The following PTPRT variants were observed in gnomAD, a reference collection of about 807,000 sequenced individuals.
The protein encoded by PTPRT is protein tyrosine phosphatase receptor type T, also known as receptor-type tyrosine-protein phosphatase T.
In PTPRT, 56 loss-of-function variants were observed where a neutral mutation model predicts 176.8. The observed-to-expected ratio is 0.32, with a 90% confidence interval of 0.26 to 0.40. PTPRT has a LOEUF of 0.40. Among genes scored for constraint, PTPRT ranks in the 10% least tolerant of loss-of-function variants. The pLI, the probability that PTPRT is intolerant of heterozygous loss-of-function variation, is 1.00. For missense variants in PTPRT, 1,540 were observed against 1,908.2 expected (o/e 0.81, Z 3.60); for synonymous variants, 783 against 739.0 (o/e 1.06, Z -0.96).
At chr20:42,475,053 T>C (rs1490680282) in intron 7 of PTPRT, among the ~76,000 whole-genome samples, 1 of 152,214 alleles carries the variant, frequency 6.6e-6, no homozygotes, top group Non-Finnish European at 1.5e-5. Flanking sequence ...TATCTCATGT[T>C]AAATATAATT....
At position 42,756,126 on chromosome 20, in the gene PTPRT, G is replaced by A. The variant is rs996565144; in HGVS notation, c.859+336C>T. Among the ~76,000 whole-genome samples the A allele has an allele frequency of 1.5e-4, 23 of 152,214 alleles. 1 individual carries two copies. The Middle Eastern group carries it at 0.01, about 68-fold the overall frequency. On this transcript the variant is annotated intron_variant, in intron 6 of 30. Coordinates refer to ENST00000373187, the MANE Select transcript of PTPRT (RefSeq NM_007050.6). ...ACAATAGTACGAGAACACTGCCACA[G>A]CATGCCACCCAAATACAAGGACATT...
At chr20:43,157,357 G>A (rs907303564) in intron 1 of PTPRT, among the ~76,000 whole-genome samples, 7 of 152,106 alleles carry the variant, frequency 4.6e-5, no homozygotes, top group African/African-American at 1.2e-4. Flanking sequence ...GAGTGAGACC[G>A]TGTCTCAAAC....
chr20:42,678,968 G>C (rs983211169), intron 6 of PTPRT, among the ~76,000 whole-genome samples: 1 of 152,206 alleles, frequency 6.6e-6, no homozygotes, highest in Non-Finnish European at 1.5e-5. Flanking sequence ...CAAGAATTCA[G>C]CTTCTGCCTC....
At chr20:42,765,733 T>A (rs2076973711) in intron 5 of PTPRT, among the ~76,000 whole-genome samples, 1 of 151,932 alleles carries the variant, frequency 6.6e-6, no homozygotes, top group African/African-American at 2.4e-5. Flanking sequence ...CATGTATATG[T>A]GTATATATTT....
chr20:43,177,820 T>A (rs903259938), intron 1 of PTPRT, among the ~76,000 whole-genome samples: 1 of 152,330 alleles, frequency 6.6e-6, no homozygotes, highest in Admixed American at 6.5e-5. Flanking sequence ...AACTAAAAAA[T>A]TCTGTTTTAA....
chr20:42,317,928 G>T (rs140172319), intron 11 of PTPRT, among the ~76,000 whole-genome samples: 97 of 152,262 alleles, frequency 6.4e-4, no homozygotes, highest in African/African-American at 2.0e-3. Context: ...AGTGACATGC[G>T]AGTGGATGTG....
In PTPRT at chr20:42,997,165, G is replaced by T. The variant is rs1331536988; in HGVS notation, c.89-111233C>A. Among the ~76,000 whole-genome samples the T allele has an allele frequency of 1.2e-4, 18 of 152,098 alleles. 1 individual carries two copies. Among genetic ancestry groups the T allele is most frequent in the Admixed American group, 1.2e-3 (18 of 15,262 alleles). On this transcript the variant is annotated intron_variant, in intron 1 of 30. Transcript: ENST00000373187. ...GTATTTTCCAAAGATGACTACAACA[G>T]TATCTCCCACCCCCATTTGCTTCTA...
At chr20:42,894,040 T>TA (rs547948856) in intron 1 of PTPRT, among the ~76,000 whole-genome samples, 28,652 of 147,294 alleles carry the variant, frequency 0.19, 3,303 homozygotes, top group South Asian at 0.28. Context: ...ATTAAAAAAT[T>TA]AAAAAAAAAA....
chr20:43,112,979 G>A (rs193053680), intron 1 of PTPRT, among the ~76,000 whole-genome samples: 5 of 151,870 alleles, frequency 3.3e-5, no homozygotes, highest in East Asian at 3.9e-4. Flanking sequence ...TGATATAAAC[G>A]TGTCTCCTGG....
In PTPRT at chr20:42,267,579, C is replaced by A. The variant is rs959145722; in HGVS notation, c.2176+14910G>T. On this transcript the variant is annotated intron_variant, in intron 13 of 30. Transcript: ENST00000373187. The stretch of plus-strand genomic sequence containing the variant: ...CAGAGGATGATTTTTGTCTCCATGG[C>A]ACATTTGGGAATGTCTGGAGATGTA... Among the ~76,000 whole-genome samples, 4 of 152,112 alleles carry A rather than the reference C, an allele frequency of 2.6e-5. No individual in the cohort carries two copies. In the South Asian group the frequency reaches 8.3e-4, roughly 32 times the overall value.
At chr20:42,349,441 C>T (rs987514187) in intron 11 of PTPRT, among the ~76,000 whole-genome samples, 2 of 152,212 alleles carry the variant, frequency 1.3e-5, no homozygotes, top group African/African-American at 4.8e-5. Context: ...CTCCTCTGAG[C>T]TCTTATGCGT....
At chr20:42,341,121 C>T (rs1400981519) in intron 11 of PTPRT, among the ~76,000 whole-genome samples, 3 of 152,098 alleles carry the variant, frequency 2.0e-5, no homozygotes, top group African/African-American at 7.2e-5. Context: ...ATTACTGACA[C>T]CTTATATTTG....
chr20:42,324,160 T>A (rs1463847983), intron 11 of PTPRT, among the ~76,000 whole-genome samples: 2 of 152,244 alleles, frequency 1.3e-5, no homozygotes, highest in South Asian at 2.1e-4. Context: ...ATATGTGGTA[T>A]ATCTATGCAA....
chr20:42,440,931 A>G (rs1318392836), intron 9 of PTPRT, among the ~76,000 whole-genome samples: 1 of 152,196 alleles, frequency 6.6e-6, no homozygotes, highest in Non-Finnish European at 1.5e-5. Flanking sequence ...TGATGGGATG[A>G]AGCCCATCAT....
At chr20:42,253,545 A>G (rs2056584433) in intron 13 of PTPRT, among the ~76,000 whole-genome samples, 1 of 152,020 alleles carries the variant, frequency 6.6e-6, no homozygotes. Context: ...GAACTGGGAG[A>G]AGGAGGAGGG....
chr20:42,309,286 C>G (rs922653046), intron 12 of PTPRT, among the ~76,000 whole-genome samples: 1 of 152,072 alleles, frequency 6.6e-6, no homozygotes, highest in Non-Finnish European at 1.5e-5. Context: ...GGTGAGGATG[C>G]AGAGAACAGT....
In PTPRT at chr20:42,201,950, C is replaced by CGTGTGTGT. The variant is rs11468258; in HGVS notation, c.2343-2570_2343-2563dup. ...ATCCCAACCAAGAAGAGAAAAGTTG[C>CGTGTGTGT]GTGTGTGTGTGTGTGTGTGTGTGTG... On this transcript the variant is annotated intron_variant, in intron 15 of 30. Transcript: ENST00000373187. Among the ~76,000 whole-genome samples the CGTGTGTGT allele has an allele frequency of 4.0e-3, 568 of 143,176 alleles. 11 individuals carry two copies. The highest frequency in any genetic ancestry group is 0.039 in the South Asian group (176 of 4,460). 93.9% of individuals were successfully genotyped at this position (143,176 alleles called of 152,430 possible).
At position 42,608,225 on chromosome 20, in the gene PTPRT, T is replaced by C. The variant is rs557012898; in HGVS notation, c.1153+69641A>G. 1.6e-4 allele frequency among the ~76,000 whole-genome samples: 25 copies of C among 152,292 alleles called. No individual in the cohort carries two copies. In the East Asian group the frequency reaches 2.1e-3, roughly 13 times the overall value. ...CACAGCTGAGGTGCCTCATGCATCA[T>C]GGGCAGCCACAGCCCCTGCCCCAGT... is the stretch of plus-strand genomic sequence containing the variant. On this transcript the variant is annotated intron_variant, in intron 7 of 30. Coordinates refer to ENST00000373187, the MANE Select transcript of PTPRT (RefSeq NM_007050.6).
At chr20:42,995,226 T>C (rs1984156062) in intron 1 of PTPRT, among the ~76,000 whole-genome samples, 1 of 152,204 alleles carries the variant, frequency 6.6e-6, no homozygotes, top group Non-Finnish European at 1.5e-5. Context: ...TATTCAGAAG[T>C]TCAGGAGCAG....
Sources: gnomAD v4.1 joint callset for allele counts (sites outside exome capture counted in the v4.1 genomes callset) on GRCh38, gnomAD v4.1.1 for gene constraint, MANE v1.5 for transcripts, NCBI Gene and HGNC (gene_info 2026-07-23, HGNC 2026-07-21) for gene names.